Variants in STAP1 observed in about 807,000 individuals in gnomAD.
The protein encoded by STAP1 is signal-transducing adaptor protein 1.
A neutral mutation model predicts 37.8 loss-of-function variants in STAP1; 30 were observed. The observed-to-expected ratio is 0.79, with a 90% CI of 0.59 to 1.08. The LOEUF (loss-of-function observed/expected upper bound fraction) is 1.08. Ranked by LOEUF, STAP1 falls within the 50% of genes least tolerant of loss-of-function variation. The pLI, the probability that STAP1 is intolerant of heterozygous loss-of-function variation, is 0.00. For missense variants in STAP1, 357 were observed against 349.4 expected, an observed-to-expected ratio of 1.02 and a Z score of -0.17; for synonymous variants, 130 against 116.0, an observed-to-expected ratio of 1.12 and a Z score of -0.78.
chr4:67,560,380 A>G (rs1727306509), intron 1 of STAP1, among the ~76,000 whole-genome samples: 1 of 152,166 alleles, frequency 6.6e-6, no homozygotes, highest in Non-Finnish European at 1.5e-5. Context: ...TGTTCAATCA[A>G]TTTATTCACT....
At chr4:67,588,446 G>C (rs559664433) in intron 6 of STAP1, among the ~76,000 whole-genome samples, 9 of 152,002 alleles carry the variant, frequency 5.9e-5, no homozygotes, top group African/African-American at 1.7e-4. Context: ...GCCTCGCTCT[G>C]TCTCACAGGC....
chr4:67,595,307 G>C (rs1728199686), intron 8 of STAP1, among the ~76,000 whole-genome samples: 1 of 147,004 alleles, frequency 6.8e-6, no homozygotes, highest in Non-Finnish European at 1.5e-5. Flanking sequence ...CCAGCACTTT[G>C]GGAGGACAAG....
intron 1 of STAP1, among the ~76,000 whole-genome samples, chr4:67,567,169 A>G (rs1305508703): frequency 1.3e-5 from 2 of 152,174 alleles, no homozygotes; most frequent in South Asian, 2.1e-4. Flanking sequence ...ACTGAGACGT[A>G]TCAGGTATAT....
chr4:67,603,438 A>T (rs939738074), intron 8 of STAP1, among the ~76,000 whole-genome samples: 1 of 152,002 alleles, frequency 6.6e-6, no homozygotes, highest in African/African-American at 2.4e-5. Context: ...CCTTTCCTTA[A>T]GCAAAAGTCT....
At chr4:67,577,146 C>A (rs1454073907) in intron 3 of STAP1, 57 bp from the exon 4 acceptor site, 1 of 1,470,102 alleles carries the variant, frequency 6.8e-7, no homozygotes, top group Non-Finnish European at 9.3e-7. Context: ...TTATTTTATG[C>A]TCAATCACTC....
At chr4:67,606,103 C>T (rs1728443849) in intron 8 of STAP1, among the ~76,000 whole-genome samples, 193 bp from the exon 9 acceptor site, 1 of 152,030 alleles carries the variant, frequency 6.6e-6, no homozygotes, top group South Asian at 2.1e-4. Context: ...TTATTAGGTA[C>T]AAAGTTACAG....
chr4:67,567,947 CACT>C (rs1310940180), intron 1 of STAP1, among the ~76,000 whole-genome samples: 4 of 152,158 alleles, frequency 2.6e-5, no homozygotes, highest in African/African-American at 9.7e-5. Context: ...TATTTTAGTC[CACT>C]AAGTTATAGG....
At chr4:67,605,482 G>A (rs1011775791) in intron 8 of STAP1, among the ~76,000 whole-genome samples, 10 of 151,654 alleles carry the variant, frequency 6.6e-5, no homozygotes, top group East Asian at 1.9e-4. Context: ...CTTTGTGGTC[G>A]GGAACAAACT....
intron 3 of STAP1, among the ~76,000 whole-genome samples, chr4:67,575,840 A>G (rs1265336345): frequency 2.0e-5 from 3 of 152,218 alleles, no homozygotes; most frequent in African/African-American, 7.2e-5. Context: ...AACAACTTGT[A>G]TTAAATAAGA....
In STAP1 at chr4:67,606,480, C is replaced by T. The variant is rs569667534; in HGVS notation, c.*123C>T. 655 of 775,336 alleles carry T rather than the reference C, an allele frequency of 8.4e-4. 1 individual carries two copies. The highest frequency in any genetic ancestry group is 1.2e-3 in the Non-Finnish European group (578 of 491,716). 48.0% of individuals were successfully genotyped at this position (775,336 alleles called of 1,614,324 possible). ...GATTACCAAGTCATTCACCTGAACA[C>T]CAGAATTAGAATTAAACATTGTACC... On this transcript the variant is annotated 3_prime_UTR_variant, in exon 9 of 9. Coordinates refer to ENST00000265404, the MANE Select transcript of STAP1 (RefSeq NM_012108.4).
intron 4 of STAP1, among the ~76,000 whole-genome samples, chr4:67,581,000 T>C (rs1355397866): frequency 1.3e-5 from 2 of 152,128 alleles, no homozygotes; most frequent in African/African-American, 2.4e-5. Flanking sequence ...ATGAAAAATA[T>C]GAGGTTTGTT....
chr4:67,603,446 T>C (rs1057168792), intron 8 of STAP1, among the ~76,000 whole-genome samples: 1 of 151,890 alleles, frequency 6.6e-6, no homozygotes, highest in Admixed American at 6.6e-5. Context: ...TAAGCAAAAG[T>C]CTCTCCCTAT....
rs370556541 is a variant in STAP1, at chr4:67,587,782, G to A, written c.660-3102G>A. Among the ~76,000 whole-genome samples the A allele has an allele frequency of 6.9e-5, 10 of 144,254 alleles. No homozygotes were observed. The East Asian group carries it at 1.8e-3, about 26-fold the overall frequency. The allele number at this position is 144,254 out of a possible 152,430, so 94.6% of individuals were successfully genotyped here. A position where few individuals can be genotyped will look rare whatever the true frequency, so the allele number is the denominator to read the frequency against. On this transcript the variant is annotated intron_variant, in intron 6 of 8. Coordinates refer to ENST00000265404, the MANE Select transcript of STAP1 (RefSeq NM_012108.4). Reference sequence around the variant, plus strand: ...GTTGCCCAGTCTGGAGTTCAATGGCGCGATCTCAGCTCACCACAACTTCCA... The same window carrying A: ...GTTGCCCAGTCTGGAGTTCAATGGCACGATCTCAGCTCACCACAACTTCCA...
chr4:67,581,220 A>G (rs1231193791), intron 4 of STAP1, 85 bp from the exon 5 acceptor site: 9 of 1,322,728 alleles, frequency 6.8e-6, no homozygotes, highest in Non-Finnish European at 9.4e-6. Flanking sequence ...CTGTAGCCCT[A>G]TAGGACCAGA....
intron 6 of STAP1, among the ~76,000 whole-genome samples, chr4:67,584,387 C>T (rs1727935529): frequency 1.3e-5 from 2 of 152,154 alleles, no homozygotes; most frequent in African/African-American, 4.8e-5. Context: ...AAAAACATCC[C>T]TGGCTTCAAT....
chr4:67,591,713 G>A (rs984432195), intron 7 of STAP1, among the ~76,000 whole-genome samples: 1 of 152,166 alleles, frequency 6.6e-6, no homozygotes, highest in East Asian at 1.9e-4. Context: ...CAGGTCCATT[G>A]TGTTGATCAA....
At position 67,606,304 on chromosome 4, in the gene STAP1, C is replaced by T. The variant is rs376232842; in HGVS notation, c.835C>T (p.Pro279Ser). 17 of 1,611,452 alleles carry T rather than the reference C, an allele frequency of 1.1e-5. No individual in the cohort carries two copies. In the African/African-American group the frequency reaches 1.9e-4, roughly 18 times the overall value. The stretch of plus-strand genomic sequence containing the variant: ...CTACCCACAATTTCTAGGTCAAGAA[C>T]CCAGTATGGAAGGGAGAAGTGAAAA... The part of the protein sequence containing the change: ...CSTDENTGQE[P>S]SMEGRSEKLK... The change falls in exon 9 of 9, where the codon CCC becomes TCC. Residue 279 changes from proline (P) to serine (S), a missense_variant. By Grantham distance (74) the Pro-to-Ser change is moderately conservative (BLOSUM62 -1). Transcript: ENST00000265404.
At chr4:67,595,617 ATTAATTTCCAATG>A (rs1264318312) in intron 8 of STAP1, among the ~76,000 whole-genome samples, 2 of 152,212 alleles carry the variant, frequency 1.3e-5, no homozygotes, top group Non-Finnish European at 2.9e-5. Context: ...TTTTGTACGG[ATTAATTTCCAATG>A]ATATATGTTC....
At chr4:67,568,958 A>G (rs1560456725) in intron 1 of STAP1, among the ~76,000 whole-genome samples, 1 of 152,244 alleles carries the variant, frequency 6.6e-6, no homozygotes, top group East Asian at 1.9e-4. Context: ...TTAAACACAA[A>G]TCAAATTACA....
Sources: gnomAD v4.1 joint callset for allele counts (sites outside exome capture counted in the v4.1 genomes callset) on GRCh38, gnomAD v4.1.1 for gene constraint, MANE v1.5 for transcripts, NCBI Gene and HGNC (gene_info 2026-07-23, HGNC 2026-07-21) for gene names.